The following HOMER2 variants were observed in gnomAD, a reference collection of about 807,000 sequenced individuals.
HOMER2 encodes homer protein homolog 2.
In HOMER2, 27 loss-of-function variants were observed where a neutral mutation model predicts 47.0. That is an observed-to-expected ratio of 0.57 (90% CI 0.42 to 0.79). The LOEUF is 0.79. Among genes scored for constraint, HOMER2 ranks in the 30% least tolerant of loss-of-function variants. HOMER2 has a pLI of 0.00. For synonymous variants in HOMER2, 161 were observed against 163.8 expected (o/e 0.98, Z 0.13); for missense variants, 443 against 435.0 (o/e 1.02, Z -0.16).
exon 2 of HOMER2, chr15:82,841,640 A>C (rs1210976230): frequency 3.3e-5 from 5 of 152,206 alleles, no homozygotes; most frequent in African/African-American, 4.8e-5. Flanking sequence ...AAAGTGAAAT[A>C]AGATTACAAA....
intron 1 of HOMER2, among the ~76,000 whole-genome samples, chr15:82,929,737 G>GT (rs367900266): frequency 3.4e-4 from 49 of 145,554 alleles, no homozygotes; most frequent in East Asian, 1.2e-3. Context: ...CAGTTTTGTT[G>GT]TTTTTTTTTT....
intron 4 of HOMER2, among the ~76,000 whole-genome samples, chr15:82,859,410 T>C (rs1164619040): frequency 6.6e-6 from 1 of 151,774 alleles, no homozygotes; most frequent in South Asian, 2.1e-4. Flanking sequence ...GTTCATAAAG[T>C]CTGTGTGCTT....
chr15:82,881,481 G>A (rs2052519884), intron 2 of HOMER2, among the ~76,000 whole-genome samples: 1 of 152,150 alleles, frequency 6.6e-6, no homozygotes, highest in Admixed American at 6.5e-5. Flanking sequence ...TCCAAGAGTA[G>A]TTATTAACAG....
intron 1 of HOMER2, among the ~76,000 whole-genome samples, chr15:82,966,722 G>T (rs534338398): frequency 7.2e-5 from 11 of 152,342 alleles, no homozygotes; most frequent in African/African-American, 2.2e-4. Context: ...GGCATTTCAT[G>T]ACTGACATCT....
chr15:82,978,431 G>C (rs2030280462), intron 1 of HOMER2, among the ~76,000 whole-genome samples: 1 of 152,170 alleles, frequency 6.6e-6, no homozygotes, highest in Non-Finnish European at 1.5e-5. Context: ...GATTATGGAA[G>C]CTCACCTGAA....
intron 2 of HOMER2, among the ~76,000 whole-genome samples, chr15:82,878,365 A>G (rs142917004): frequency 1.3e-5 from 2 of 152,270 alleles, no homozygotes; most frequent in African/African-American, 4.8e-5. Context: ...GGCGAAACTG[A>G]GGCTTAACAA....
intron 4 of HOMER2, 119 bp downstream of exon 4, chr15:82,864,048 G>A: frequency 1.6e-6 from 1 of 615,268 alleles, no homozygotes; most frequent in East Asian, 2.8e-5. Flanking sequence ...GCTAATAGTT[G>A]AAAAAGCCTT....
Position 82,849,549 on chromosome 15 carries a change from A to G in HOMER2, c.*166T>C. ...CTCACAAGGCCAGAGAAGCGAGAGGAGATTTCTATTCTGAAAAGGAGTGAG... is the reference window on the plus strand; with the variant it reads ...CTCACAAGGCCAGAGAAGCGAGAGGGGATTTCTATTCTGAAAAGGAGTGAG... On this transcript the variant is annotated 3_prime_UTR_variant, in exon 9 of 9. Coordinates refer to ENST00000450735, the MANE Select transcript of HOMER2 (RefSeq NM_004839.4). 1.6e-6 allele frequency: 1 copy of G among 611,244 alleles called. No homozygotes were observed. Among genetic ancestry groups the G allele is most frequent in the East Asian group, 2.8e-5 (1 of 36,030 alleles). 37.9% of individuals were successfully genotyped at this position (611,244 alleles called of 1,614,324 possible).
At chr15:82,914,378 TAAA>T (rs755003013) in intron 1 of HOMER2, among the ~76,000 whole-genome samples, 7 of 108,922 alleles carry the variant, frequency 6.4e-5, no homozygotes, top group Admixed American at 9.6e-5. Context: ...ACTCCATCTT[TAAA>T]AAAAAAAAAA....
chr15:82,949,574 G>C (rs1032686783), intron 1 of HOMER2, among the ~76,000 whole-genome samples: 3 of 152,196 alleles, frequency 2.0e-5, no homozygotes, highest in Admixed American at 6.5e-5. Context: ...AGTATGGAGA[G>C]TGAACAAATG....
intron 2 of HOMER2, among the ~76,000 whole-genome samples, chr15:82,880,415 A>G (rs1026998897): frequency 1.3e-5 from 2 of 152,188 alleles, no homozygotes; most frequent in East Asian, 3.9e-4. Flanking sequence ...TGAGGAGTGG[A>G]TGGGAGAGCA....
At chr15:82,976,606 A>G (rs1210033065) in intron 1 of HOMER2, among the ~76,000 whole-genome samples, 2 of 150,508 alleles carry the variant, frequency 1.3e-5, no homozygotes, top group African/African-American at 4.9e-5. Context: ...TATATACTGC[A>G]TATATTACCA....
At chr15:82,940,728 GT>G (rs2054247121) in intron 1 of HOMER2, among the ~76,000 whole-genome samples, 1 of 151,590 alleles carries the variant, frequency 6.6e-6, no homozygotes. Flanking sequence ...AGGAGACTCT[GT>G]CTTAAAAAAA....
intron 4 of HOMER2, among the ~76,000 whole-genome samples, chr15:82,861,956 G>A (rs1254954143): frequency 3.6e-4 from 55 of 152,166 alleles, no homozygotes; most frequent in Non-Finnish European, 2.9e-5. Context: ...GCAGTGAGCA[G>A]AGGTTGCAGT....
chr15:82,851,889 T>A (rs1254489599), intron 7 of HOMER2, among the ~76,000 whole-genome samples: 2 of 152,210 alleles, frequency 1.3e-5, no homozygotes, highest in Admixed American at 6.5e-5. Context: ...CATCTGAGTG[T>A]CTTGTGAAAT....
intron 1 of HOMER2, among the ~76,000 whole-genome samples, chr15:82,964,718 C>A (rs1280524782): frequency 6.6e-6 from 1 of 152,086 alleles, no homozygotes; most frequent in Non-Finnish European, 1.5e-5. Flanking sequence ...CCACTGGAGC[C>A]AAGATCACAC....
At position 82,892,665 on chromosome 15, in the gene HOMER2, A is replaced by G. The variant is rs2151098907; in HGVS notation, c.162+20T>C. On this transcript the variant is annotated intron_variant, in intron 2 of 8. Transcript: ENST00000450735. ...AAGATAAGCAACTGGGAGTATTAAA[A>G]TCAGCTGAGGGGGTGGTACCTTGGC... The G allele has an allele frequency of 5.4e-6, 8 of 1,480,418 alleles. No homozygotes were observed. The highest frequency in any genetic ancestry group is 7.3e-6 in the Non-Finnish European group (8 of 1,098,686). The allele number at this position is 1,480,418 out of a possible 1,614,324, so 91.7% of individuals were successfully genotyped here.
chr15:82,893,218 T>C (rs2052776286), intron 1 of HOMER2, among the ~76,000 whole-genome samples: 2 of 152,180 alleles, frequency 1.3e-5, no homozygotes, highest in Admixed American at 1.3e-4. Context: ...TGACAAATTT[T>C]GGGGGATTCT....
intron 1 of HOMER2, among the ~76,000 whole-genome samples, chr15:82,948,689 G>C (rs1325622198): frequency 6.6e-6 from 1 of 152,246 alleles, no homozygotes; most frequent in Non-Finnish European, 1.5e-5. Flanking sequence ...AGGAAGGTAA[G>C]AGAATTCCAG....
Sources: allele counts gnomAD v4.1 joint callset (sites outside exome capture counted in the v4.1 genomes callset), GRCh38; gene constraint gnomAD v4.1.1; transcripts MANE v1.5; gene names NCBI Gene and HGNC (gene_info 2026-07-23, HGNC 2026-07-21).